The following ZNF19 variants were observed in gnomAD, a reference collection of about 807,000 sequenced individuals.
The protein encoded by ZNF19 is zinc finger protein 19.
In ZNF19, 11 loss-of-function variants were observed where a neutral mutation model predicts 13.1. The ratio of observed to expected loss-of-function variants is 0.84; its 90% CI spans 0.53 to 1.39. The LOEUF is 1.39. Ranked by LOEUF, ZNF19 falls within the 40% of genes most tolerant of loss-of-function variation. The pLI is 0.00. For missense variants in ZNF19, 560 were observed against 547.0 expected (o/e 1.02, Z -0.24); for synonymous variants, 186 against 187.0 (o/e 0.99, Z 0.04).
At chr16:71,484,194 G>A (rs2043657539) in intron 2 of ZNF19, among the ~76,000 whole-genome samples, 1 of 152,224 alleles carries the variant, frequency 6.6e-6, no homozygotes, top group Non-Finnish European at 1.5e-5. Flanking sequence ...CTTTCCCATT[G>A]GGCGGAAAGC....
At chr16:71,488,365 A>G (rs1226284082) in intron 1 of ZNF19, among the ~76,000 whole-genome samples, 1 of 151,746 alleles carries the variant, frequency 6.6e-6, no homozygotes, top group African/African-American at 2.4e-5. Flanking sequence ...CTCAAAAAAA[A>G]AAAAAAAAGA....
chr16:71,484,520 AC>A (rs781294434), intron 2 of ZNF19, 68 bp downstream of exon 2: 3 of 985,450 alleles, frequency 3.0e-6, no homozygotes, highest in Non-Finnish European at 3.6e-6. Flanking sequence ...GACGAAGCCG[AC>A]AGCCTTCTCT....
In ZNF19 at chr16:71,475,653, CT is replaced by C; in HGVS notation, c.893del (p.Glu298GlyfsTer19). On this transcript the variant is annotated frameshift_variant, in exon 6 of 6. Transcript: ENST00000288177. LOFTEE classifies it low-confidence loss of function (END_TRUNC). Reference protein sequence around the residue: ...LLRHQKIHTGEKPYECNECGK... With the variant: ...LLRHQKIHTGXKPYECNECGK... ...CACACTCATTACACTCATAGGGTTT[CT>C]CTCCAGTGTGGATTTTCTGATGCCG... The C allele has an allele frequency of 6.2e-7, 1 of 1,614,078 alleles. No homozygotes were observed. Among genetic ancestry groups the C allele is most frequent in the Admixed American group, 1.7e-5 (1 of 60,022 alleles).
chr16:71,476,247 C>A lies in ZNF19; in HGVS notation c.300G>T (p.Glu100Asp). ...CKDVETNIDS[E>D]STLIQGISEE... ...CAGAAATTCCCTGGATTAATGTGGA[C>A]TCACTGTCAATGTTGGTCTCAACAT... The change falls in exon 6 of 6, where the codon GAG (glutamate) becomes GAT (aspartate). Residue 100 changes from glutamate (E) to aspartate (D), a missense_variant. Glu to Asp is a conservative substitution (Grantham distance 45). Coordinates refer to ENST00000288177, the MANE Select transcript of ZNF19 (RefSeq NM_006961.4). 1 of 1,613,006 alleles carries A rather than the reference C, an allele frequency of 6.2e-7. No individual in the cohort carries two copies. The highest frequency in any genetic ancestry group is 1.7e-5 in the Admixed American group (1 of 59,990).
In ZNF19 at chr16:71,476,019, A is replaced by G; in HGVS notation, c.528T>C (p.Tyr176=). 9 of 1,614,228 alleles carry G rather than the reference A, an allele frequency of 5.6e-6. No individual in the cohort carries two copies. Among genetic ancestry groups the G allele is most frequent in the Non-Finnish European group, 7.6e-6 (9 of 1,180,032 alleles). ...CAGTGTGGATTCTCTGGTGTCTAGC[A>G]TAGTAAGAAAAGTAGCTGAAGGATT... ...CGKSFSYFSY[Y]ARHQRIHTGE... Residue 176 remains tyrosine (Y), a synonymous_variant, in exon 6 of 6, where the codon TAT becomes TAC. Coordinates refer to ENST00000288177, the MANE Select transcript of ZNF19 (RefSeq NM_006961.4).
intron 1 of ZNF19, among the ~76,000 whole-genome samples, chr16:71,485,311 G>A (rs1184729745): frequency 1.3e-5 from 2 of 151,958 alleles, no homozygotes; most frequent in Non-Finnish European, 2.9e-5. Flanking sequence ...TTAGCCAGGC[G>A]TAATGGCGGG....
At chr16:71,478,138 T>G (rs2043613874) in intron 5 of ZNF19, 90 bp downstream of exon 5, 2 of 850,130 alleles carry the variant, frequency 2.4e-6, no homozygotes, top group South Asian at 3.3e-5. Flanking sequence ...AATCATCTAT[T>G]TTATTTAAAT....
intron 5 of ZNF19, 63 bp downstream of exon 5, chr16:71,478,165 C>T: frequency 9.2e-7 from 1 of 1,089,088 alleles, no homozygotes; most frequent in Non-Finnish European, 1.4e-6. Flanking sequence ...CAGCATGATT[C>T]ATTTTAAAAT....
rs560817952 is a variant in ZNF19, at chr16:71,478,791, C to CCACTCCA, written c.160+81_160+87dup. ...GGACACAAGAGACAACCTCTCCTCT[C>CCACTCCA]CACTCCACACTCCTCCCCCCAGGCT... On this transcript the variant is annotated intron_variant, in intron 4 of 5. Transcript: ENST00000288177. The CCACTCCA allele has an allele frequency of 5.0e-4, 774 of 1,534,912 alleles. 3 individuals are homozygous for CCACTCCA. The African/African-American group carries it at 7.1e-3, about 14-fold the overall frequency.
chr16:71,475,376 C>G lies in ZNF19; in HGVS notation c.1171G>C (p.Gly391Arg). ...TTTCTTTTGCTAGTCAAGGCTTTTC[C>G]ACACTCATCACATACATAGGAAGAC... ...QESSYVCDEC[G>R]KALTSKRNLH... is the part of the protein sequence containing the mutation. Residue 391 changes from glycine to arginine, a missense_variant, in exon 6 of 6, where the codon GGA becomes CGA. By Grantham distance (125) the Gly-to-Arg change is moderately radical. Coordinates refer to ENST00000288177, the MANE Select transcript of ZNF19 (RefSeq NM_006961.4). The G allele has an allele frequency of 6.2e-7, 1 of 1,614,020 alleles. No individual in the cohort carries two copies. Among genetic ancestry groups the G allele is most frequent in the Non-Finnish European group, 8.5e-7 (1 of 1,180,014 alleles).
At chr16:71,476,996 C>T (rs1375419943) in intron 5 of ZNF19, among the ~76,000 whole-genome samples, 1 of 152,190 alleles carries the variant, frequency 6.6e-6, no homozygotes, top group Non-Finnish European at 1.5e-5. Flanking sequence ...CACACCCAGA[C>T]TGAGAGTATT....
At chr16:71,482,829 G>A (rs908118221) in intron 2 of ZNF19, among the ~76,000 whole-genome samples, 4 of 152,184 alleles carry the variant, frequency 2.6e-5, no homozygotes, top group African/African-American at 7.2e-5. Context: ...AGCCTCTCAA[G>A]TAACTGGGAT....
At position 71,478,359 on chromosome 16, in the gene ZNF19, A is replaced by G; in HGVS notation, c.161-18T>C. 6.3e-7 allele frequency: 1 copy of G among 1,583,730 alleles called. No individual in the cohort carries two copies. The highest frequency in any genetic ancestry group is 8.7e-7 in the Non-Finnish European group (1 of 1,153,528). On this transcript the variant is annotated intron_variant, in intron 4 of 5. Transcript: ENST00000288177. ...TGGGTACCCTGAAAACAGGAAGAAA[A>G]TGGTACTTTTCAGCCCTGTATCTGC...
chr16:71,477,598 G>C (rs1304335256), intron 5 of ZNF19, among the ~76,000 whole-genome samples: 1 of 152,044 alleles, frequency 6.6e-6, no homozygotes, highest in East Asian at 1.9e-4. Context: ...CAACCCAGCT[G>C]TGTTAGAGTA....
rs572918474 is a variant in ZNF19, at chr16:71,482,719, T to C, written c.-29-576A>G. ...ATGTTTTTGTCTGTTTGTTTGTTTG[T>C]TGAGACAAGAATCTCACTGTCACCT... On this transcript the variant is annotated intron_variant, in intron 2 of 5. Transcript: ENST00000288177. 3.0e-4 allele frequency among the ~76,000 whole-genome samples: 45 copies of C among 152,290 alleles called. 1 individual carries two copies. In the South Asian group the frequency reaches 9.1e-3, roughly 31 times the overall value.
chr16:71,478,811 C>G lies in ZNF19; in HGVS notation c.160+68G>C, dbSNP rs191190106. ...CCTCTCCACTCCACACTCCTCCCCC[C>G]AGGCTGTAAAAGAAGGAAGGAAACT... On this transcript the variant is annotated intron_variant, in intron 4 of 5. Transcript: ENST00000288177. 7.6e-6 allele frequency: 12 copies of G among 1,578,724 alleles called. No homozygotes were observed. The Admixed American group carries it at 8.7e-5, about 11-fold the overall frequency.
chr16:71,479,014 A>G lies in ZNF19; in HGVS notation c.34-9T>C, dbSNP rs779562074. On this transcript the variant is annotated splice_polypyrimidine_tract_variant and intron_variant, in intron 3 of 5. Coordinates refer to ENST00000288177, the MANE Select transcript of ZNF19 (RefSeq NM_006961.4). ...TCGAAGGTCACCATCTCCTAAAACA[A>G]CAGGTTCCTGCTGCCCCAGAGCCAA... 14 of 1,614,158 alleles carry G rather than the reference A, an allele frequency of 8.7e-6. No homozygotes were observed. In the Middle Eastern group the frequency reaches 4.9e-4, roughly 57 times the overall value.
At chr16:71,488,380 GAAAA>G (rs994840350) in intron 1 of ZNF19, among the ~76,000 whole-genome samples, 1 of 145,582 alleles carries the variant, frequency 6.9e-6, no homozygotes, top group Non-Finnish European at 1.5e-5. Context: ...AAAAGAAAAA[GAAAA>G]AGAAATGAAA....
intron 1 of ZNF19, among the ~76,000 whole-genome samples, chr16:71,484,989 C>T (rs2043666153): frequency 2.0e-5 from 3 of 152,184 alleles, no homozygotes; most frequent in African/African-American, 7.2e-5. Context: ...CTTGTCATTA[C>T]ATTTCATCAC....
Sources: allele counts gnomAD v4.1 joint callset (sites outside exome capture counted in the v4.1 genomes callset), GRCh38; gene constraint gnomAD v4.1.1; transcripts MANE v1.5; gene names NCBI Gene and HGNC (gene_info 2026-07-23, HGNC 2026-07-21).